Variants in IL7R observed in about 807,000 individuals in gnomAD.
The protein encoded by IL7R is interleukin 7 receptor.
IL7R carries 38 observed loss-of-function variants against 47.0 expected under a neutral mutation model. The observed-to-expected ratio is 0.81, with a 90% CI of 0.62 to 1.06. IL7R has a LOEUF of 1.06. Among genes scored for constraint, IL7R ranks in the 50% least tolerant of loss-of-function variants. The pLI is 0.00. For synonymous variants in IL7R, 221 were observed against 199.8 expected (o/e 1.11, Z -0.89); for missense variants, 633 against 534.8 (o/e 1.18, Z -1.81).
chr5:35,860,263 A>G (rs1759767711), intron 1 of IL7R, among the ~76,000 whole-genome samples: 1 of 152,114 alleles, frequency 6.6e-6, no homozygotes, highest in Admixed American at 6.6e-5. Context: ...GCTTAAGACA[A>G]TGGAAATAAT....
At chr5:35,860,464 G>A (rs1759772834) in intron 1 of IL7R, among the ~76,000 whole-genome samples, 1 of 152,108 alleles carries the variant, frequency 6.6e-6, no homozygotes, top group African/African-American at 2.4e-5. Context: ...TGGAAATAAA[G>A]TGTCTCTTCT....
intron 3 of IL7R, among the ~76,000 whole-genome samples, chr5:35,868,839 C>G (rs1037644817): frequency 6.6e-6 from 1 of 152,172 alleles, no homozygotes; most frequent in East Asian, 1.9e-4. Context: ...CCAAGAGCCT[C>G]CAGGTGACAT....
chr5:35,876,355 C>T lies in IL7R; in HGVS notation c.1249C>T (p.Pro417Ser), dbSNP rs1760217258. ...TGGGACTACAAACAGCACGCTGCCC[C>T]CTCCATTTTCTCTCCAATCTGGAAT... ...SLGTTNSTLP[P>S]PFSLQSGILT... is the part of the protein sequence containing the mutation. The change falls in exon 8 of 8, where the codon CCT becomes TCT. Residue 417 changes from proline to serine, a missense_variant. Physicochemically the swap from Pro to Ser is moderately conservative, Grantham distance 74. Coordinates refer to ENST00000303115, the MANE Select transcript of IL7R (RefSeq NM_002185.5). 1 of 1,613,262 alleles carries T rather than the reference C, an allele frequency of 6.2e-7. No homozygotes were observed. The highest frequency in any genetic ancestry group is 1.1e-5 in the South Asian group (1 of 91,028).
At chr5:35,870,962 G>T (rs1276933613) in intron 3 of IL7R, 94 bp from the exon 4 acceptor site, 6 of 1,112,428 alleles carry the variant, frequency 5.4e-6, no homozygotes, top group Non-Finnish European at 8.2e-6. Flanking sequence ...ACACAAAAAG[G>T]GTCAAAGTGA....
chr5:35,875,460 G>T (rs746719598), intron 6 of IL7R, 52 bp from the exon 7 acceptor site: 21 of 1,203,414 alleles, frequency 1.7e-5, no homozygotes, highest in East Asian at 2.3e-5. Flanking sequence ...AAGACTCAGT[G>T]TGCCTGTGCC....
At chr5:35,857,881 G>C (rs1229528211) in intron 1 of IL7R, among the ~76,000 whole-genome samples, 1 of 152,150 alleles carries the variant, frequency 6.6e-6, no homozygotes, top group Non-Finnish European at 1.5e-5. Flanking sequence ...CTCTTTAAGA[G>C]TTAAAAACTA....
At chr5:35,861,172 C>G (rs1759801276) in intron 2 of IL7R, among the ~76,000 whole-genome samples, 182 bp downstream of exon 2, 1 of 152,158 alleles carries the variant, frequency 6.6e-6, no homozygotes, top group African/African-American at 2.4e-5. Context: ...CAAATCTCCT[C>G]TCACGGTTCA....
At chr5:35,868,830 C>G (rs999531079) in intron 3 of IL7R, among the ~76,000 whole-genome samples, 1 of 152,124 alleles carries the variant, frequency 6.6e-6, no homozygotes, top group African/African-American at 2.4e-5. Context: ...CACAACACAC[C>G]AAGAGCCTCC....
chr5:35,872,642 C>T (rs1432267974), intron 4 of IL7R, among the ~76,000 whole-genome samples: 11 of 152,028 alleles, frequency 7.2e-5, no homozygotes, highest in Non-Finnish European at 1.5e-4. Context: ...TTTACATAAT[C>T]TTGACATGAA....
chr5:35,873,581 TA>T lies in IL7R; in HGVS notation c.642del (p.Gly215AlafsTer29). On this transcript the variant is annotated frameshift_variant, in exon 5 of 8. Transcript: ENST00000303115. LOFTEE classifies it high-confidence loss of function. The stretch of plus-strand genomic sequence containing the variant: ...TTCGATCCATCCCTGATCACTATTT[TA>T]AAGGCTTCTGGAGTGAATGGAGTCC... ...KVRSIPDHYF[K>X]GFWSEWSPSY... 6.2e-7 allele frequency: 1 copy of T among 1,614,076 alleles called. No homozygotes were observed. The highest frequency in any genetic ancestry group is 8.5e-7 in the Non-Finnish European group (1 of 1,179,910).
chr5:35,867,282 CAT>C (rs758304802), intron 2 of IL7R, 22 bp from the exon 3 acceptor site: 2 of 1,609,274 alleles, frequency 1.2e-6, no homozygotes, highest in East Asian at 4.5e-5. Flanking sequence ...TGAATCAAGA[CAT>C]ATCCCCTTTT....
At position 35,878,502 on chromosome 5, in the gene IL7R, G is replaced by A. The variant is rs957543828; in HGVS notation, c.*2016G>A. ...GTGCCCTGTTGGAGACAGGGCAAATGCCACAAAAATGATGTAAATTTACAT... is the reference window on the plus strand; with the variant it reads ...GTGCCCTGTTGGAGACAGGGCAAATACCACAAAAATGATGTAAATTTACAT... On this transcript the variant is annotated 3_prime_UTR_variant, in exon 8 of 8. Coordinates refer to ENST00000303115, the MANE Select transcript of IL7R (RefSeq NM_002185.5). 3.0e-5 allele frequency: 7 copies of A among 232,708 alleles called. No individual in the cohort carries two copies. Among genetic ancestry groups the A allele is most frequent in the African/African-American group, 1.5e-4 (7 of 45,306 alleles). 14.4% of individuals were successfully genotyped at this position (232,708 alleles called of 1,614,324 possible). A position where few individuals can be genotyped will look rare whatever the true frequency, so the allele number is the denominator to read the frequency against.
chr5:35,862,823 C>A (rs942370878), intron 2 of IL7R, among the ~76,000 whole-genome samples: 1 of 152,074 alleles, frequency 6.6e-6, no homozygotes, highest in Non-Finnish European at 1.5e-5. Context: ...ATTCTATACT[C>A]AAGAATTGAA....
Position 35,865,297 on chromosome 5 carries a change from T to C in IL7R, c.222-2009T>C, listed in dbSNP as rs188636267. Among the ~76,000 whole-genome samples, 103 of 152,314 alleles carry C rather than the reference T, an allele frequency of 6.8e-4. 2 individuals are homozygous for C. In the East Asian group the frequency reaches 0.019, roughly 28 times the overall value. On this transcript the variant is annotated intron_variant, in intron 2 of 7. Coordinates refer to ENST00000303115, the MANE Select transcript of IL7R (RefSeq NM_002185.5). Reference sequence around the variant, plus strand: ...CTATAAAGGACATGAACTCATCCTTTTTTATGGCTGCATAGTATTCCATGG... The same window carrying C: ...CTATAAAGGACATGAACTCATCCTTCTTTATGGCTGCATAGTATTCCATGG...
At chr5:35,875,431 C>A (rs1251702681) in intron 6 of IL7R, 81 bp from the exon 7 acceptor site, 1 of 988,176 alleles carries the variant, frequency 1.0e-6, no homozygotes. Flanking sequence ...CTTCTGATTC[C>A]AAGCTCAGAA....
chr5:35,876,775 G>T lies in IL7R; in HGVS notation c.*289G>T. ...AAAGAGGAAAGAATGAAAGAGTAAA[G>T]GAAATGATTGAGGAGTGAGGAAGGC... On this transcript the variant is annotated 3_prime_UTR_variant, in exon 8 of 8. Transcript: ENST00000303115. 4.5e-6 allele frequency: 2 copies of T among 440,474 alleles called. No individual in the cohort carries two copies. Among genetic ancestry groups the T allele is most frequent in the South Asian group, 3.1e-5 (1 of 32,234 alleles). 27.3% of individuals were successfully genotyped at this position (440,474 alleles called of 1,614,324 possible).
At chr5:35,868,751 C>A (rs918250331) in intron 3 of IL7R, among the ~76,000 whole-genome samples, 2 of 152,164 alleles carry the variant, frequency 1.3e-5, no homozygotes, top group Non-Finnish European at 2.9e-5. Context: ...GGTCCTGGAG[C>A]ATCAGGGGAG....
At chr5:35,865,789 G>C (rs992739645) in intron 2 of IL7R, among the ~76,000 whole-genome samples, 1 of 152,084 alleles carries the variant, frequency 6.6e-6, no homozygotes, top group African/African-American at 2.4e-5. Flanking sequence ...CAAAAAGTGG[G>C]CAAAGGATAT....
rs201207454 is a variant in IL7R at position 35,867,460 on chromosome 5, A to G, written c.376A>G (p.Ile126Val). 3.7e-6 allele frequency: 6 copies of G among 1,611,288 alleles called. No homozygotes were observed. In the African/African-American group the frequency reaches 5.3e-5, roughly 14 times the overall value. Residue 126 changes from isoleucine to valine, a missense_variant, in exon 3 of 8, where the codon ATA becomes GTA. Coordinates refer to ENST00000303115, the MANE Select transcript of IL7R (RefSeq NM_002185.5). ...CTGCAAAAAAATAGACCTAACCACT[A>G]TAGGTAAGAAGTTGTATATAAAAGT... ...LTCKKIDLTT[I>V]VKPEAPFDLS...
Sources: allele counts gnomAD v4.1 joint callset (sites outside exome capture counted in the v4.1 genomes callset), GRCh38; gene constraint gnomAD v4.1.1; transcripts MANE v1.5; gene names NCBI Gene and HGNC (gene_info 2026-07-23, HGNC 2026-07-21).